TMEM225B: variants seen among roughly 807,000 people sequenced by gnomAD.
TMEM225B encodes the protein transmembrane protein 225B, also known as transmembrane protein 225-like.
Under a neutral mutation model 16.9 loss-of-function variants are expected in TMEM225B, and 10 were observed. That is an observed-to-expected ratio of 0.59 (90% CI 0.36 to 1.00). The LOEUF (loss-of-function observed/expected upper bound fraction) is 1.00, where lower values mean the gene tolerates loss of function less well. Ranked by LOEUF, TMEM225B falls within the 50% of genes least tolerant of loss-of-function variation. The pLI, the probability that TMEM225B is intolerant of heterozygous loss-of-function variation, is 0.01. For synonymous variants in TMEM225B, 92 were observed against 109.8 expected (o/e 0.84, Z 1.01); for missense variants, 217 against 267.0 (o/e 0.81, Z 1.30).
rs1488002684 is a variant in TMEM225B, at chr7:99,610,577, G to T, written c.*12G>T. Reference sequence around the variant, plus strand: ...AAACAGTCATCTAGCCCAGGACATGGCTTCTTTACCCTTCTTCAAGCCATG... The same window carrying T: ...AAACAGTCATCTAGCCCAGGACATGTCTTCTTTACCCTTCTTCAAGCCATG... On this transcript the variant is annotated 3_prime_UTR_variant, in exon 6 of 6. Coordinates refer to ENST00000431679, the MANE Select transcript of TMEM225B (RefSeq NM_001195541.3). The T allele has an allele frequency of 6.5e-7, 1 of 1,535,624 alleles. No homozygotes were observed. Among genetic ancestry groups the T allele is most frequent in the South Asian group, 1.2e-5 (1 of 83,988 alleles).
At chr7:99,606,400 G>A (rs1013109532) in intron 3 of TMEM225B, among the ~76,000 whole-genome samples, 9 of 152,194 alleles carry the variant, frequency 5.9e-5, no homozygotes, top group African/African-American at 1.9e-4. Flanking sequence ...CTGTGAAGTC[G>A]AAGTTACAGT....
At chr7:99,609,942 G>A (rs1035479384) in intron 5 of TMEM225B, among the ~76,000 whole-genome samples, 1 of 151,934 alleles carries the variant, frequency 6.6e-6, no homozygotes, top group African/African-American at 2.4e-5. Context: ...TTGCTATGTC[G>A]CCCATGATGA....
chr7:99,598,636 G>T (rs1584292801), intron 1 of TMEM225B, among the ~76,000 whole-genome samples: 1 of 152,184 alleles, frequency 6.6e-6, no homozygotes, highest in African/African-American at 2.4e-5. Flanking sequence ...GAGGACGGTT[G>T]TCAACGGGAA....
intron 2 of TMEM225B, among the ~76,000 whole-genome samples, chr7:99,603,216 C>T (rs1805502524): frequency 6.6e-6 from 1 of 152,156 alleles, no homozygotes; most frequent in African/African-American, 2.4e-5. Flanking sequence ...TGCACATGGA[C>T]CTCTCCCCAC....
Position 99,610,648 on chromosome 7 carries a change from C to A in TMEM225B, c.*83C>A, listed in dbSNP as rs1806268463. On this transcript the variant is annotated 3_prime_UTR_variant, in exon 6 of 6. Coordinates refer to ENST00000431679, the MANE Select transcript of TMEM225B (RefSeq NM_001195541.3). ...TTTGTAGTCCTCCCCACCCTCTCTG[C>A]CAGTATCTGTGCCTTTGAGGAGCTT... The A allele has an allele frequency of 7.9e-7, 1 of 1,261,844 alleles. No individual in the cohort carries two copies. Among genetic ancestry groups the A allele is most frequent in the Non-Finnish European group, 1.1e-6 (1 of 915,192 alleles). The allele number at this position is 1,261,844 out of a possible 1,614,324, so 78.2% of individuals were successfully genotyped here. A position where few individuals can be genotyped will look rare whatever the true frequency, so the allele number is the denominator to read the frequency against.
Position 99,608,858 on chromosome 7 carries a change from T to TATAC in TMEM225B, c.493+1049_493+1050insTACA, listed in dbSNP as rs536627768. ...GTGCACGTATATATATATATATATA[T>TATAC]ACACACACACATATATGTGTATATA... On this transcript the variant is annotated intron_variant, in intron 5 of 5. Transcript: ENST00000431679. Among the ~76,000 whole-genome samples, 440 of 144,434 alleles carry TATAC rather than the reference T, an allele frequency of 3.0e-3. 9 individuals are homozygous for TATAC. The highest frequency in any genetic ancestry group is 0.012 in the African/African-American group (414 of 35,660). The allele number at this position is 144,434 out of a possible 152,430, so 94.8% of individuals were successfully genotyped here. A position where few individuals can be genotyped will look rare whatever the true frequency, so the allele number is the denominator to read the frequency against.
chr7:99,603,693 T>TA (rs770224583), intron 2 of TMEM225B, among the ~76,000 whole-genome samples: 2,682 of 138,064 alleles, frequency 0.019, 81 homozygotes, highest in African/African-American at 0.064. Context: ...GACTCCATCT[T>TA]AAAAAAAAAA....
At position 99,607,716 on chromosome 7, in the gene TMEM225B, C is replaced by T. The variant is rs1403881599; in HGVS notation, c.399C>T (p.Ile133=). 6.5e-7 allele frequency: 1 copy of T among 1,535,950 alleles called. No individual in the cohort carries two copies. The highest frequency in any genetic ancestry group is 2.0e-5 in the Admixed American group (1 of 50,958). Residue 133 remains isoleucine, a synonymous_variant, in exon 5 of 6, where the codon ATC becomes ATT. Transcript: ENST00000431679. The stretch of plus-strand genomic sequence containing the variant: ...CTTTGGTGCTGCATGCCCTGGAGAT[C>T]AAGGCTCTGAGGATGAAGCTCGGCC... The part of the protein sequence containing the change: ...FLALVLHALE[I]KALRMKLGPL...
intron 5 of TMEM225B, among the ~76,000 whole-genome samples, chr7:99,608,204 G>A (rs905781922): frequency 5.3e-5 from 8 of 152,144 alleles, no homozygotes; most frequent in Admixed American, 3.9e-4. Flanking sequence ...GCAGTGAGCC[G>A]AGATCACATC....
In TMEM225B at chr7:99,598,368, C is replaced by G. The variant is rs1185190135; in HGVS notation, c.-98C>G. 6.6e-6 allele frequency: 1 copy of G among 152,464 alleles called. No homozygotes were observed. The highest frequency in any genetic ancestry group is 1.5e-5 in the Non-Finnish European group (1 of 68,232). The allele number at this position is 152,464 out of a possible 1,614,324, so 9.4% of individuals were successfully genotyped here. On this transcript the variant is annotated 5_prime_UTR_variant, in exon 1 of 6. Coordinates refer to ENST00000431679, the MANE Select transcript of TMEM225B (RefSeq NM_001195541.3). Reference sequence around the variant, plus strand: ...CAGCTCTGGGACGCGAAACCGCCTACGACGGTGCCGCAGGTGGAGGGAAGG... The same window carrying G: ...CAGCTCTGGGACGCGAAACCGCCTAGGACGGTGCCGCAGGTGGAGGGAAGG...
chr7:99,609,300 TTC>T (rs1471060121), intron 5 of TMEM225B, among the ~76,000 whole-genome samples: 1 of 152,258 alleles, frequency 6.6e-6, no homozygotes, highest in Non-Finnish European at 1.5e-5. Context: ...TTCTTTGAAG[TTC>T]TCTCACATTT....
intron 5 of TMEM225B, among the ~76,000 whole-genome samples, chr7:99,608,688 T>G (rs1806029571): frequency 6.8e-6 from 1 of 147,882 alleles, no homozygotes. Context: ...TACAGGCATG[T>G]GCCACCATGG....
In TMEM225B at chr7:99,598,994, G is replaced by C. The variant is rs9641254; in HGVS notation, c.-85+613G>C. On this transcript the variant is annotated intron_variant, in intron 1 of 5. Coordinates refer to ENST00000431679, the MANE Select transcript of TMEM225B (RefSeq NM_001195541.3). The stretch of plus-strand genomic sequence containing the variant: ...TTTGAGACGGAGTCTCGCTGTGGCT[G>C]TGTCGCCCAGGCTGGAGTGCAGTGG... 1.3e-3 allele frequency among the ~76,000 whole-genome samples: 195 copies of C among 152,264 alleles called. 3 individuals carry two copies. The East Asian group carries it at 0.027, about 21-fold the overall frequency.
intron 1 of TMEM225B, 73 bp from the exon 2 acceptor site, chr7:99,600,131 GC>G: frequency 2.9e-6 from 2 of 696,304 alleles, no homozygotes; most frequent in Non-Finnish European, 5.2e-6. Context: ...GGTATACCTG[GC>G]CCCAAAGTAA....
Position 99,604,527 on chromosome 7 carries a change from G to T in TMEM225B, c.139G>T (p.Glu47Ter). The T allele has an allele frequency of 6.5e-7, 1 of 1,536,068 alleles. No homozygotes were observed. The highest frequency in any genetic ancestry group is 8.7e-7 in the Non-Finnish European group (1 of 1,146,868). ...WVRLTNEESH[E>*]VFFSGLFENC... Reference sequence around the variant, plus strand: ...GCGACTGACAAACGAGGAGTCCCACGAAGTCTTTTTCAGTGGCCTATTTGA... The same window carrying T: ...GCGACTGACAAACGAGGAGTCCCACTAAGTCTTTTTCAGTGGCCTATTTGA... Residue 47 changes from glutamate (E) to a stop codon, truncating the protein, a stop_gained, in exon 3 of 6, where the codon GAA becomes TAA. Transcript: ENST00000431679. LOFTEE classifies it high-confidence loss of function.
intron 2 of TMEM225B, among the ~76,000 whole-genome samples, chr7:99,602,531 T>C (rs1805457195): frequency 6.6e-6 from 1 of 152,148 alleles, no homozygotes. Flanking sequence ...TGTTATAATA[T>C]ATCCTTCCTT....
At chr7:99,603,305 T>G (rs1282790401) in intron 2 of TMEM225B, among the ~76,000 whole-genome samples, 2 of 152,192 alleles carry the variant, frequency 1.3e-5, no homozygotes, top group African/African-American at 2.4e-5. Flanking sequence ...TATCTCCCCT[T>G]GGTTCTCAGT....
Position 99,610,639 on chromosome 7 carries a change from C to G in TMEM225B, c.*74C>G, listed in dbSNP as rs918176242. 2 of 1,341,816 alleles carry G rather than the reference C, an allele frequency of 1.5e-6. No individual in the cohort carries two copies. The highest frequency in any genetic ancestry group is 2.9e-5 in the African/African-American group (2 of 69,202). The allele number at this position is 1,341,816 out of a possible 1,614,324, so 83.1% of individuals were successfully genotyped here. On this transcript the variant is annotated 3_prime_UTR_variant, in exon 6 of 6. Coordinates refer to ENST00000431679, the MANE Select transcript of TMEM225B (RefSeq NM_001195541.3). ...ATGTAGCTGTTTGTAGTCCTCCCCA[C>G]CCTCTCTGCCAGTATCTGTGCCTTT...
intron 2 of TMEM225B, 100 bp downstream of exon 2, chr7:99,600,385 T>C: frequency 1.5e-6 from 1 of 683,814 alleles, no homozygotes; most frequent in Non-Finnish European, 2.7e-6. Context: ...GTTTGGAAAA[T>C]CTGGGGAGCA....
Sources: allele counts gnomAD v4.1 joint callset (sites outside exome capture counted in the v4.1 genomes callset), GRCh38; gene constraint gnomAD v4.1.1; transcripts MANE v1.5; gene names NCBI Gene and HGNC (gene_info 2026-07-23, HGNC 2026-07-21).